RARRES1: variants seen among roughly 807,000 people sequenced by gnomAD.
The protein encoded by RARRES1 is retinoic acid receptor responder protein 1.
RARRES1 carries 34 observed loss-of-function variants against 30.6 expected under a neutral mutation model. The observed-to-expected ratio is 1.11, with a 90% CI of 0.84 to 1.48. The LOEUF is 1.48. Among genes scored for constraint, RARRES1 ranks in the 40% most tolerant of loss-of-function variants. RARRES1 has a pLI of 0.00. For missense variants in RARRES1, 373 were observed against 386.5 expected, an observed-to-expected ratio of 0.97 and a Z score of 0.29; for synonymous variants, 153 against 155.5, an observed-to-expected ratio of 0.98 and a Z score of 0.12.
At chr3:158,722,686 T>A (rs1461880492) in intron 1 of RARRES1, among the ~76,000 whole-genome samples, 1 of 151,864 alleles carries the variant, frequency 6.6e-6, no homozygotes, top group Admixed American at 6.6e-5. Context: ...ATTGAGATCA[T>A]CCTGGCTAAC....
At chr3:158,701,842 T>C (rs1409871520) in intron 4 of RARRES1, among the ~76,000 whole-genome samples, 2 of 152,194 alleles carry the variant, frequency 1.3e-5, no homozygotes, top group East Asian at 3.9e-4. Context: ...GGGATTTAAA[T>C]TTGTATTAGT....
At position 158,697,812 on chromosome 3, in the gene RARRES1, G is replaced by A. The variant is rs767507067; in HGVS notation, c.751C>T (p.Arg251Cys). ...ELSTQEIIPC[R>C]IHLVWYPGKP... Reference sequence around the variant, plus strand: ...CCAGGGTACCAGACCAAGTGAATGCGACAGGGAATTATTTCCTAGGAAATA... The same window carrying A: ...CCAGGGTACCAGACCAAGTGAATGCAACAGGGAATTATTTCCTAGGAAATA... Residue 251 changes from arginine (R) to cysteine (C), a missense_variant, in exon 6 of 6, where the codon CGC becomes TGC. By Grantham distance (180) the Arg-to-Cys change is radical. Transcript: ENST00000237696. The A allele has an allele frequency of 6.2e-6, 10 of 1,609,474 alleles. No individual in the cohort carries two copies. The highest frequency in any genetic ancestry group is 4.4e-5 in the South Asian group (4 of 90,554).
intron 3 of RARRES1, among the ~76,000 whole-genome samples, chr3:158,709,870 C>CTGA (rs1439180970): frequency 6.6e-6 from 1 of 152,238 alleles, no homozygotes; most frequent in Non-Finnish European, 1.5e-5. Flanking sequence ...TTCCCTTCAG[C>CTGA]TGAGTCACTT....
intron 1 of RARRES1, among the ~76,000 whole-genome samples, chr3:158,721,942 T>C (rs1258719096): frequency 2.6e-5 from 4 of 151,870 alleles, no homozygotes. Flanking sequence ...AAATACGAAA[T>C]TAGCTGGGCG....
At chr3:158,701,148 G>A (rs1420097269) in intron 4 of RARRES1, among the ~76,000 whole-genome samples, 1 of 152,142 alleles carries the variant, frequency 6.6e-6, no homozygotes, top group East Asian at 1.9e-4. Context: ...GGTACTGATT[G>A]ATAAGAGTTA....
chr3:158,732,035 G>T, intron 1 of RARRES1, 105 bp downstream of exon 1: 1 of 1,131,864 alleles, frequency 8.8e-7, no homozygotes, highest in Non-Finnish European at 1.1e-6. Context: ...CACCTTCCCT[G>T]GCGGACCATC....
At chr3:158,699,081 A>C (rs57805621) in intron 4 of RARRES1, among the ~76,000 whole-genome samples, 7,990 of 152,218 alleles carry the variant, frequency 0.052, 660 homozygotes, top group African/African-American at 0.18. Context: ...AGTGTCTTGA[A>C]ACAATGGCCA....
intron 4 of RARRES1, among the ~76,000 whole-genome samples, chr3:158,698,496 T>C (rs928418994): frequency 6.6e-6 from 1 of 152,228 alleles, no homozygotes; most frequent in Admixed American, 6.5e-5. Context: ...AACCCAGATC[T>C]ACTGACTCCA....
At position 158,732,437 on chromosome 3, in the gene RARRES1, G is replaced by A. The variant is rs911472647; in HGVS notation, c.-22C>T. The A allele has an allele frequency of 5.9e-6, 9 of 1,517,366 alleles. No individual in the cohort carries two copies. The highest frequency in any genetic ancestry group is 7.9e-6 in the Non-Finnish European group (9 of 1,137,790). 94.0% of individuals were successfully genotyped at this position (1,517,366 alleles called of 1,614,324 possible). ...GCATGGACGCAGGAAAGTTGGCTCG[G>A]CACCCGACAGACACGGGCTCGGAGC... On this transcript the variant is annotated 5_prime_UTR_variant, in exon 1 of 6. Transcript: ENST00000237696.
intron 1 of RARRES1, among the ~76,000 whole-genome samples, chr3:158,729,416 G>A (rs1470511201): frequency 6.6e-6 from 1 of 151,868 alleles, no homozygotes; most frequent in Admixed American, 6.6e-5. Flanking sequence ...GTGACTAAGT[G>A]CATGATAATG....
chr3:158,697,956 A>T lies in RARRES1; in HGVS notation c.687T>A (p.Asp229Glu). 6.5e-7 allele frequency: 1 copy of T among 1,527,942 alleles called. No individual in the cohort carries two copies. The highest frequency in any genetic ancestry group is 9.0e-7 in the Non-Finnish European group (1 of 1,105,042). 94.6% of individuals were successfully genotyped at this position (1,527,942 alleles called of 1,614,324 possible). The change falls in exon 5 of 6, where the codon GAT (aspartate) becomes GAA (glutamate). Residue 229 changes from aspartate to glutamate, a missense_variant. Transcript: ENST00000237696. The part of the protein sequence containing the change: ...TSVRQWKTND[D>E]TIDFDYTVLL... ...GAACAGTATAATCAAAATCAATTGTATCATCATTAGTTTTCTAGAGGGAGA... is the reference window on the plus strand; with the variant it reads ...GAACAGTATAATCAAAATCAATTGTTTCATCATTAGTTTTCTAGAGGGAGA...
chr3:158,713,946 C>T (rs1343229830), intron 1 of RARRES1, 87 bp from the exon 2 acceptor site: 4 of 1,198,568 alleles, frequency 3.3e-6, no homozygotes, highest in Non-Finnish European at 4.9e-6. Context: ...GATAACATGG[C>T]ATGCAAATGG....
At chr3:158,729,563 T>C (rs1039642300) in intron 1 of RARRES1, among the ~76,000 whole-genome samples, 19 of 151,864 alleles carry the variant, frequency 1.3e-4, no homozygotes, top group African/African-American at 4.6e-4. Context: ...CAATTCTCTA[T>C]CTCAGCCTCC....
At position 158,697,570 on chromosome 3, in the gene RARRES1, GT is replaced by G; in HGVS notation, c.*107del. The G allele has an allele frequency of 8.1e-7, 1 of 1,228,308 alleles. No homozygotes were observed. Among genetic ancestry groups the G allele is most frequent in the Non-Finnish European group, 1.1e-6 (1 of 885,846 alleles). 76.1% of individuals were successfully genotyped at this position (1,228,308 alleles called of 1,614,324 possible). ...TCTGAGTTTTTACTTGTAATCATAG[GT>G]TTTCCCAAATTATTAGAATGTCTAT... On this transcript the variant is annotated 3_prime_UTR_variant, in exon 6 of 6. Transcript: ENST00000237696.
At position 158,716,328 on chromosome 3, in the gene RARRES1, C is replaced by T. The variant is rs371037144; in HGVS notation, c.277-2469G>A. On this transcript the variant is annotated intron_variant, in intron 1 of 5. Coordinates refer to ENST00000237696, the MANE Select transcript of RARRES1 (RefSeq NM_206963.2). ...AGGGAAGATGTGTAGAATAAGAATC[C>T]TGAGGAACATCAGCCTTCACGCCAG... Among the ~76,000 whole-genome samples the T allele has an allele frequency of 4.5e-4, 69 of 152,282 alleles. 1 individual carries two copies. In the South Asian group the frequency reaches 9.3e-3, roughly 21 times the overall value.
chr3:158,716,044 G>C (rs1727312627), intron 1 of RARRES1, among the ~76,000 whole-genome samples: 1 of 152,220 alleles, frequency 6.6e-6, no homozygotes, highest in South Asian at 2.1e-4. Context: ...CAGCACCTGG[G>C]AGTCTGCCTG....
At chr3:158,727,790 TG>T (rs1465555168) in intron 1 of RARRES1, among the ~76,000 whole-genome samples, 1 of 152,094 alleles carries the variant, frequency 6.6e-6, no homozygotes, top group Non-Finnish European at 1.5e-5. Flanking sequence ...AGGCATCAGG[TG>T]GGGGCAGTGA....
intron 1 of RARRES1, among the ~76,000 whole-genome samples, chr3:158,725,886 C>T (rs1037124530): frequency 6.6e-6 from 1 of 152,162 alleles, no homozygotes; most frequent in Non-Finnish European, 1.5e-5. Flanking sequence ...TGTGCTATTT[C>T]AGCACAAACA....
At chr3:158,722,874 T>C (rs1576822027) in intron 1 of RARRES1, among the ~76,000 whole-genome samples, 9 of 108,904 alleles carry the variant, frequency 8.3e-5, no homozygotes, top group African/African-American at 1.9e-4. Flanking sequence ...AGAGTGAGAC[T>C]CCATCTCAAA....
Sources: gnomAD v4.1 joint callset for allele counts (sites outside exome capture counted in the v4.1 genomes callset) on GRCh38, gnomAD v4.1.1 for gene constraint, MANE v1.5 for transcripts, NCBI Gene and HGNC (gene_info 2026-07-23, HGNC 2026-07-21) for gene names.